Variants in CCDC178 observed in about 807,000 individuals in gnomAD.
CCDC178 encodes coiled-coil domain-containing protein 178.
CCDC178 carries 126 observed loss-of-function variants against 117.4 expected under a neutral mutation model. The ratio of observed to expected loss-of-function variants is 1.07; its 90% CI spans 0.93 to 1.24. The LOEUF is 1.24. CCDC178 is among the 50% of genes most tolerant of loss of function. CCDC178 has a pLI of 0.00. For synonymous variants in CCDC178, 283 were observed against 313.4 expected, an observed-to-expected ratio of 0.90 and a Z score of 1.02; for missense variants, 1,030 against 986.9, an observed-to-expected ratio of 1.04 and a Z score of -0.59.
In CCDC178 at chr18:32,970,784, G is replaced by T. The variant is rs142741657; in HGVS notation, c.2523+3763C>A. Among the ~76,000 whole-genome samples the T allele has an allele frequency of 6.0e-4, 92 of 152,094 alleles. 2 individuals are homozygous for T. In the East Asian group the frequency reaches 0.017, roughly 28 times the overall value. On this transcript the variant is annotated intron_variant, in intron 22 of 22. Transcript: ENST00000383096. ...AAAGGATTTCACTGATGGTATAAAGGCCTGAAGGAGCTTAGAATCTTCCAG... is the reference window on the plus strand; with the variant it reads ...AAAGGATTTCACTGATGGTATAAAGTCCTGAAGGAGCTTAGAATCTTCCAG...
intron 21 of CCDC178, among the ~76,000 whole-genome samples, chr18:33,054,682 T>C (rs574615766): frequency 6.6e-6 from 1 of 152,360 alleles, no homozygotes; most frequent in Admixed American, 6.5e-5. Context: ...TGATTGGCAT[T>C]TAGGTAGATT....
chr18:33,084,457 G>A (rs115811050), intron 21 of CCDC178, among the ~76,000 whole-genome samples: 43 of 152,148 alleles, frequency 2.8e-4, no homozygotes, highest in African/African-American at 8.4e-4. Context: ...GGCTGTTGTA[G>A]CTATTGCAAA....
At chr18:32,938,869 T>A (rs1017246664) in intron 22 of CCDC178, among the ~76,000 whole-genome samples, 1 of 152,144 alleles carries the variant, frequency 6.6e-6, no homozygotes, top group Admixed American at 6.5e-5. Flanking sequence ...TTCACTTTTG[T>A]TTTTGGATAT....
chr18:32,995,959 A>G (rs1417483999), intron 21 of CCDC178, among the ~76,000 whole-genome samples: 1 of 148,206 alleles, frequency 6.7e-6, no homozygotes, highest in African/African-American at 2.5e-5. Flanking sequence ...GTCTCTCTCT[A>G]TATTTACATA....
intron 12 of CCDC178, among the ~76,000 whole-genome samples, chr18:33,282,760 T>C (rs942273623): frequency 1.3e-5 from 2 of 152,076 alleles, no homozygotes; most frequent in Non-Finnish European, 2.9e-5. Context: ...AACTGGACCC[T>C]CAACATCCCT....
intron 20 of CCDC178, among the ~76,000 whole-genome samples, chr18:33,207,079 G>A (rs1446464519): frequency 6.6e-6 from 1 of 152,134 alleles, no homozygotes; most frequent in Non-Finnish European, 1.5e-5. Flanking sequence ...TGAAACTATG[G>A]CAGGCTAACC....
chr18:33,376,812 A>C (rs898294470), intron 5 of CCDC178, among the ~76,000 whole-genome samples: 1 of 152,038 alleles, frequency 6.6e-6, no homozygotes, highest in African/African-American at 2.4e-5. Flanking sequence ...ATAGTATTTC[A>C]TGGTGTATAT....
intron 21 of CCDC178, among the ~76,000 whole-genome samples, chr18:33,075,781 C>A (rs1226669743): frequency 5.3e-5 from 8 of 151,940 alleles, no homozygotes. Context: ...CCAGCCTGGC[C>A]AACATGGTGA....
At chr18:33,394,943 G>GTATGTGTA (rs1555697671) in intron 4 of CCDC178, among the ~76,000 whole-genome samples, 2 of 61,498 alleles carry the variant, frequency 3.3e-5, no homozygotes, top group Non-Finnish European at 6.1e-5. Flanking sequence ...ATATGTATGT[G>GTATGTGTA]TATATATATA....
chr18:33,074,102 G>A (rs2057162274), intron 21 of CCDC178, among the ~76,000 whole-genome samples: 1 of 152,106 alleles, frequency 6.6e-6, no homozygotes, highest in East Asian at 1.9e-4. Flanking sequence ...TGCAGTCGGG[G>A]AGGCCAGGGC....
At chr18:33,066,065 G>A (rs1313117576) in intron 21 of CCDC178, among the ~76,000 whole-genome samples, 1 of 151,898 alleles carries the variant, frequency 6.6e-6, no homozygotes, top group Non-Finnish European at 1.5e-5. Flanking sequence ...GTTTTACCGT[G>A]TTGGCCAGGA....
At chr18:33,267,175 G>A in intron 13 of CCDC178, 27 bp downstream of exon 13, 1 of 1,555,934 alleles carries the variant, frequency 6.4e-7, no homozygotes, top group South Asian at 1.2e-5. Flanking sequence ...GGCGTTCTAA[G>A]TGGGAAGTAG....
chr18:33,109,364 A>G (rs2057749855), intron 20 of CCDC178, among the ~76,000 whole-genome samples: 1 of 151,660 alleles, frequency 6.6e-6, no homozygotes, highest in Non-Finnish European at 1.5e-5. Context: ...AATCCAGAAT[A>G]TATCTTCAGA....
rs147713504 is a variant in CCDC178, at chr18:32,979,452, C to A, written c.2389-4771G>T. 3.7e-4 allele frequency among the ~76,000 whole-genome samples: 56 copies of A among 152,226 alleles called. No individual in the cohort carries two copies. In the East Asian group the frequency reaches 0.01, roughly 28 times the overall value. On this transcript the variant is annotated intron_variant, in intron 21 of 22. Transcript: ENST00000383096. ...GGGATTACAGGCATGAGCCGCTGCG[C>A]CCGGTCCATTTTTATAAATCAATAT... is the stretch of plus-strand genomic sequence containing the variant.
At chr18:32,991,895 C>T (rs892018397) in intron 21 of CCDC178, among the ~76,000 whole-genome samples, 5 of 152,150 alleles carry the variant, frequency 3.3e-5, no homozygotes, top group African/African-American at 1.2e-4. Context: ...GACATCTGCC[C>T]ATTGCTTTAC....
At chr18:33,402,643 T>G (rs1226155666) in intron 3 of CCDC178, among the ~76,000 whole-genome samples, 2 of 152,248 alleles carry the variant, frequency 1.3e-5, no homozygotes, top group African/African-American at 4.8e-5. Context: ...AGAGATATCT[T>G]ACATTTCTGA....
At chr18:32,996,155 T>C (rs151226166) in intron 21 of CCDC178, among the ~76,000 whole-genome samples, 6 of 151,678 alleles carry the variant, frequency 4.0e-5, no homozygotes, top group African/African-American at 1.5e-4. Context: ...AAGAACAACA[T>C]GACAACCACA....
intron 21 of CCDC178, among the ~76,000 whole-genome samples, chr18:33,049,830 C>T (rs1350600905): frequency 2.6e-5 from 4 of 151,906 alleles, no homozygotes; most frequent in Non-Finnish European, 5.9e-5. Context: ...TGCCTGTAAT[C>T]CCAGCACTTT....
chr18:33,059,427 A>G (rs919333340), intron 21 of CCDC178, among the ~76,000 whole-genome samples: 1 of 152,158 alleles, frequency 6.6e-6, no homozygotes, highest in African/African-American at 2.4e-5. Flanking sequence ...GAAACCTGCT[A>G]CTAAACTATA....
Sources: allele counts gnomAD v4.1 joint callset (sites outside exome capture counted in the v4.1 genomes callset), GRCh38; gene constraint gnomAD v4.1.1; transcripts MANE v1.5; gene names NCBI Gene and HGNC (gene_info 2026-07-23, HGNC 2026-07-21).